The following FAM135B variants were observed in gnomAD, a reference collection of about 807,000 sequenced individuals.
FAM135B encodes family with sequence similarity 135 member B.
In FAM135B, 43 loss-of-function variants were observed where a neutral mutation model predicts 127.7. The ratio of observed to expected loss-of-function variants is 0.34; its 90% CI spans 0.26 to 0.43. FAM135B has a LOEUF of 0.43. Ranked by LOEUF, FAM135B falls within the 20% of genes least tolerant of loss-of-function variation. The probability of loss-of-function intolerance (pLI) is 1.00; values close to 1 mark genes in which losing one functional copy is unlikely to be tolerated. For synonymous variants in FAM135B, 670 were observed against 665.1 expected, an observed-to-expected ratio of 1.01 and a Z score of -0.11; for missense variants, 1,558 against 1,725.6, an observed-to-expected ratio of 0.90 and a Z score of 1.72.
At chr8:138,412,012 T>C (rs1019643679) in intron 1 of FAM135B, among the ~76,000 whole-genome samples, 2 of 152,094 alleles carry the variant, frequency 1.3e-5, no homozygotes, top group African/African-American at 4.8e-5. Flanking sequence ...GAGCTAAACA[T>C]TGGTTAGACA....
At position 138,152,197 on chromosome 8, in the gene FAM135B, G is replaced by A. The variant is rs775420185; in HGVS notation, c.2278C>T (p.Arg760Trp). 1.4e-5 allele frequency: 22 copies of A among 1,614,034 alleles called. No homozygotes were observed. The highest frequency in any genetic ancestry group is 7.7e-5 in the South Asian group (7 of 91,076). The change falls in exon 13 of 20, where the codon CGG becomes TGG. Residue 760 changes from arginine to tryptophan, a missense_variant. Transcript: ENST00000395297. Reference protein sequence around the residue: ...ISSLPFEEDEREVALTKLTKS... With the variant: ...ISSLPFEEDEWEVALTKLTKS... ...GTTAACTTAGTGAGTGCCACCTCCC[G>A]CTCATCCTCCTCAAAAGGTAAAGAG...
chr8:138,441,855 T>G (rs888625779), intron 1 of FAM135B: 3 of 151,732 alleles, frequency 2.0e-5, no homozygotes, highest in African/African-American at 7.3e-5. Flanking sequence ...AAGAGTGCAG[T>G]CTTGATGACA....
At chr8:138,162,057 T>C (rs1173478293) in intron 12 of FAM135B, among the ~76,000 whole-genome samples, 1 of 152,172 alleles carries the variant, frequency 6.6e-6, no homozygotes, top group African/African-American at 2.4e-5. Context: ...TATCATTTAG[T>C]CCCACACACA....
intron 1 of FAM135B, among the ~76,000 whole-genome samples, chr8:138,496,338 C>G (rs908020013): frequency 6.6e-6 from 1 of 152,276 alleles, no homozygotes; most frequent in African/African-American, 2.4e-5. Context: ...GCCTGGCCCC[C>G]GGGTTCCCTG....
chr8:138,343,650 A>G (rs1018717780), intron 2 of FAM135B, among the ~76,000 whole-genome samples: 15 of 152,124 alleles, frequency 9.9e-5, no homozygotes, highest in African/African-American at 3.6e-4. Context: ...TCTACCACAC[A>G]AGCACCCCAC....
chr8:138,244,170 A>G (rs749510756), intron 6 of FAM135B, among the ~76,000 whole-genome samples: 3 of 152,194 alleles, frequency 2.0e-5, no homozygotes, highest in Non-Finnish European at 2.9e-5. Flanking sequence ...TGCTACGATG[A>G]TAAGATGATT....
At chr8:138,193,136 C>G (rs776475309) in intron 9 of FAM135B, among the ~76,000 whole-genome samples, 2 of 152,192 alleles carry the variant, frequency 1.3e-5, no homozygotes, top group Non-Finnish European at 2.9e-5. Context: ...CCCTCACGAC[C>G]GCACAGCTGG....
intron 1 of FAM135B, among the ~76,000 whole-genome samples, chr8:138,386,604 A>T (rs562941851): frequency 1.3e-5 from 2 of 152,346 alleles, no homozygotes; most frequent in East Asian, 3.9e-4. Context: ...ACACTTTATT[A>T]CACTTTATAC....
At chr8:138,283,006 T>C (rs542985916) in intron 3 of FAM135B, among the ~76,000 whole-genome samples, 3 of 152,100 alleles carry the variant, frequency 2.0e-5, no homozygotes, top group African/African-American at 7.2e-5. Flanking sequence ...GTTCAAGTGA[T>C]TTTCCCGCCT....
chr8:138,427,423 A>G (rs927811899), intron 1 of FAM135B, among the ~76,000 whole-genome samples: 1 of 151,952 alleles, frequency 6.6e-6, no homozygotes, highest in Non-Finnish European at 1.5e-5. Context: ...AAAATTTCTC[A>G]TTTTTTATCC....
rs140940861 is a variant in FAM135B at position 138,489,670 on chromosome 8, T to C, written c.-20+7001A>G. 2.7e-3 allele frequency among the ~76,000 whole-genome samples: 406 copies of C among 152,206 alleles called. 1 individual carries two copies. The highest frequency in any genetic ancestry group is 9.4e-3 in the African/African-American group (392 of 41,522). ...TCCAAGGGCCTGCACACCCAGCCTCTACTCACCTCTCCAGCCTTTTAGCTT... is the reference window on the plus strand; with the variant it reads ...TCCAAGGGCCTGCACACCCAGCCTCCACTCACCTCTCCAGCCTTTTAGCTT... On this transcript the variant is annotated intron_variant, in intron 1 of 19. Transcript: ENST00000395297.
At chr8:138,232,101 C>T (rs1292343898) in intron 7 of FAM135B, among the ~76,000 whole-genome samples, 1 of 152,198 alleles carries the variant, frequency 6.6e-6, no homozygotes, top group East Asian at 1.9e-4. Flanking sequence ...ATGGGAAAAC[C>T]CAAGATTAGC....
intron 1 of FAM135B, chr8:138,438,019 G>A (rs1476791522): frequency 6.6e-6 from 1 of 152,072 alleles, no homozygotes; most frequent in East Asian, 1.9e-4. Context: ...ACTTATTTGT[G>A]CTTCAATTCG....
chr8:138,309,858 CTTTTTTTTT>C (rs145453026), intron 3 of FAM135B, among the ~76,000 whole-genome samples: 1 of 86,752 alleles, frequency 1.2e-5, no homozygotes, highest in African/African-American at 4.4e-5. Context: ...AGTCTTTCTA[CTTTTTTTTT>C]TTTTTTTTTT....
Position 138,250,246 on chromosome 8 carries a change from G to A in FAM135B, c.542+595C>T, listed in dbSNP as rs184263064. On this transcript the variant is annotated intron_variant, in intron 6 of 19. Coordinates refer to ENST00000395297, the MANE Select transcript of FAM135B (RefSeq NM_015912.4). ...CGGGTGCCTGTAATCCCAGCCACTC[G>A]GGAGGCTGAGGTAGGAGAATTGCTT... is the stretch of plus-strand genomic sequence containing the variant. Among the ~76,000 whole-genome samples, 866 of 152,190 alleles carry A rather than the reference G, an allele frequency of 5.7e-3. 9 individuals are homozygous for A. Among genetic ancestry groups the A allele is most frequent in the Middle Eastern group, 0.024 (7 of 294 alleles).
At chr8:138,475,360 C>A (rs1018537908) in intron 1 of FAM135B, among the ~76,000 whole-genome samples, 2 of 152,168 alleles carry the variant, frequency 1.3e-5, no homozygotes, top group African/African-American at 2.4e-5. Flanking sequence ...ACAATCTTCA[C>A]ATCAATAACC....
intron 9 of FAM135B, among the ~76,000 whole-genome samples, chr8:138,189,393 C>T (rs1815900897): frequency 6.6e-6 from 1 of 152,200 alleles, no homozygotes; most frequent in South Asian, 2.1e-4. Context: ...TTCCTGGATG[C>T]CAAACAAGAG....
At chr8:138,262,655 C>A (rs113285208) in intron 4 of FAM135B, among the ~76,000 whole-genome samples, 3 of 152,142 alleles carry the variant, frequency 2.0e-5, no homozygotes, top group African/African-American at 7.2e-5. Flanking sequence ...AATCCCAGCA[C>A]TTTGGGAGGC....
At chr8:138,157,059 C>T (rs895165244) in intron 12 of FAM135B, among the ~76,000 whole-genome samples, 1 of 152,184 alleles carries the variant, frequency 6.6e-6, no homozygotes, top group Non-Finnish European at 1.5e-5. Flanking sequence ...AAAATACTGG[C>T]AAACAGAATC....
Sources: gnomAD v4.1 joint callset for allele counts (sites outside exome capture counted in the v4.1 genomes callset) on GRCh38, gnomAD v4.1.1 for gene constraint, MANE v1.5 for transcripts, NCBI Gene and HGNC (gene_info 2026-07-23, HGNC 2026-07-21) for gene names.